Variants in XIRP2 observed in about 807,000 individuals in gnomAD.
The protein encoded by XIRP2 is xin actin-binding repeat-containing protein 2.
In XIRP2, 236 loss-of-function variants were observed where a neutral mutation model predicts 277.0. The observed-to-expected ratio is 0.85, with a 90% confidence interval of 0.77 to 0.95. The LOEUF (loss-of-function observed/expected upper bound fraction) is 0.95, where lower values mean the gene tolerates loss of function less well. Among genes scored for constraint, XIRP2 ranks in the 40% least tolerant of loss-of-function variants. XIRP2 has a pLI of 0.00. For synonymous variants in XIRP2, 1,490 were observed against 1,416.5 expected (o/e 1.05, Z -1.17); for missense variants, 4,640 against 4,157.5 (o/e 1.12, Z -3.19).
chr2:167,244,400 C>T lies in XIRP2; in HGVS notation c.3008C>T (p.Thr1003Ile). The change falls in exon 9 of 11, where the codon ACA becomes ATA. Residue 1003 changes from threonine (T) to isoleucine (I), a missense_variant. Coordinates refer to ENST00000409195, the MANE Select transcript of XIRP2 (RefSeq NM_152381.6). ...DPLGKYHQVK[T>I]VQQEEIVRGD... is the part of the protein sequence containing the mutation. The stretch of plus-strand genomic sequence containing the variant: ...CTTGGAAAATATCATCAAGTAAAGA[C>T]AGTCCAGCAAGAAGAAATCGTAAGA... 1.9e-6 allele frequency: 3 copies of T among 1,613,626 alleles called. No homozygotes were observed. Among genetic ancestry groups the T allele is most frequent in the Non-Finnish European group, 2.5e-6 (3 of 1,179,776 alleles).
At chr2:167,081,617 T>C (rs1387946969) in intron 2 of XIRP2, among the ~76,000 whole-genome samples, 1 of 152,204 alleles carries the variant, frequency 6.6e-6, no homozygotes, top group Non-Finnish European at 1.5e-5. Context: ...TCAAGTGCTA[T>C]TTGTTATTAT....
rs944867821 is a variant in XIRP2 at position 166,912,835 on chromosome 2, T to C, written c.408+8945T>C. 4.6e-5 allele frequency among the ~76,000 whole-genome samples: 7 copies of C among 151,700 alleles called. No homozygotes were observed. In the South Asian group the frequency reaches 1.0e-3, roughly 23 times the overall value. On this transcript the variant is annotated intron_variant, in intron 2 of 10. Transcript: ENST00000409195. ...GTTTTCCTTCTAACAGTCAGGACTCTCAGCTGCAGGTCTGTTGGAGTTTGC... is the reference window on the plus strand; with the variant it reads ...GTTTTCCTTCTAACAGTCAGGACTCCCAGCTGCAGGTCTGTTGGAGTTTGC...
chr2:167,032,702 C>G (rs539659960), intron 2 of XIRP2, among the ~76,000 whole-genome samples: 1 of 152,120 alleles, frequency 6.6e-6, no homozygotes, highest in Non-Finnish European at 1.5e-5. Context: ...AAAAGCTCAT[C>G]ATCACTGATA....
chr2:167,234,762 A>G lies in XIRP2; in HGVS notation c.859-5093A>G, dbSNP rs566419475. Among the ~76,000 whole-genome samples the G allele has an allele frequency of 1.6e-4, 24 of 151,886 alleles. No homozygotes were observed. In the South Asian group the frequency reaches 3.7e-3, roughly 24 times the overall value. On this transcript the variant is annotated intron_variant, in intron 5 of 10. Transcript: ENST00000409195. Reference sequence around the variant, plus strand: ...AGAATTAGGACTTGGAATTGCCTTAACTCTTCTTTTCCCTTAATGTTATTT... The same window carrying G: ...AGAATTAGGACTTGGAATTGCCTTAGCTCTTCTTTTCCCTTAATGTTATTT...
intron 1 of XIRP2, among the ~76,000 whole-genome samples, chr2:166,899,425 A>G (rs1232769216): frequency 2.6e-5 from 4 of 152,126 alleles, no homozygotes; most frequent in South Asian, 2.1e-4. Context: ...AATAGAATGT[A>G]TACTATTATT....
intron 5 of XIRP2, among the ~76,000 whole-genome samples, chr2:167,231,757 A>T (rs1043124423): frequency 3.9e-5 from 6 of 151,992 alleles, no homozygotes; most frequent in African/African-American, 1.4e-4. Flanking sequence ...GGTTAGTGAC[A>T]TGAGAAGCAG....
chr2:167,014,675 A>G (rs1330602049), intron 2 of XIRP2, among the ~76,000 whole-genome samples: 1 of 151,812 alleles, frequency 6.6e-6, no homozygotes. Context: ...AAGCTGTGAA[A>G]TGTTTTCAAA....
chr2:167,000,559 G>T (rs1394093159), intron 2 of XIRP2, among the ~76,000 whole-genome samples: 2 of 150,606 alleles, frequency 1.3e-5, no homozygotes, highest in Non-Finnish European at 3.0e-5. Context: ...AAGTGGTATG[G>T]ATTCTTCCAA....
At chr2:167,012,208 A>G (rs1365869246) in intron 2 of XIRP2, among the ~76,000 whole-genome samples, 2 of 151,694 alleles carry the variant, frequency 1.3e-5, no homozygotes, top group Middle Eastern at 3.2e-3. Flanking sequence ...AGTGCTATAA[A>G]TTTTCCTCTA....
At chr2:166,912,011 C>A (rs1684721465) in intron 2 of XIRP2, among the ~76,000 whole-genome samples, 1 of 152,158 alleles carries the variant, frequency 6.6e-6, no homozygotes, top group African/African-American at 2.4e-5. Flanking sequence ...TTGTGAGTAA[C>A]CCGACCTTTC....
In XIRP2 at chr2:167,211,947, T is replaced by G. The variant is rs1694057896; in HGVS notation, c.723+1052T>G. On this transcript the variant is annotated intron_variant, in intron 4 of 10. Transcript: ENST00000409195. ...AATTATAATCTCCAAATTAGCCTAG[T>G]TGTGTATGAGAGAGGGAGACAGAGA... Among the ~76,000 whole-genome samples, 3 of 152,244 alleles carry G rather than the reference T, an allele frequency of 2.0e-5. No homozygotes were observed. The South Asian group carries it at 6.2e-4, about 32-fold the overall frequency.
intron 2 of XIRP2, among the ~76,000 whole-genome samples, chr2:167,134,619 G>A (rs1044208296): frequency 6.6e-6 from 1 of 152,106 alleles, no homozygotes; most frequent in Non-Finnish European, 1.5e-5. Context: ...AAGGCCCTTA[G>A]TGGATGCCTA....
At chr2:166,984,883 C>T (rs1574137697) in intron 2 of XIRP2, among the ~76,000 whole-genome samples, 2 of 152,170 alleles carry the variant, frequency 1.3e-5, no homozygotes, top group South Asian at 4.1e-4. Context: ...GAGCTTTTGG[C>T]TTTATAAGAC....
At chr2:166,909,798 C>T (rs1684647107) in intron 2 of XIRP2, among the ~76,000 whole-genome samples, 2 of 152,074 alleles carry the variant, frequency 1.3e-5, no homozygotes, top group African/African-American at 2.4e-5. Flanking sequence ...CCCATCAATA[C>T]CTAGTTTATT....
rs1335512894 is a variant in XIRP2 at position 166,892,230 on chromosome 2, A to G, written c.-19+3673A>G. Reference sequence around the variant, plus strand: ...AGGCTTCATTCTGATTAACAAAAATATTTTAGAATTCTAGTTGGTATTGTA... The same window carrying G: ...AGGCTTCATTCTGATTAACAAAAATGTTTTAGAATTCTAGTTGGTATTGTA... On this transcript the variant is annotated intron_variant, in intron 1 of 10. Transcript: ENST00000409195. Among the ~76,000 whole-genome samples the G allele has an allele frequency of 2.0e-5, 3 of 152,152 alleles. No individual in the cohort carries two copies. The South Asian group carries it at 6.2e-4, about 31-fold the overall frequency.
chr2:166,995,739 G>T (rs1687205312), intron 2 of XIRP2, among the ~76,000 whole-genome samples: 1 of 152,112 alleles, frequency 6.6e-6, no homozygotes, highest in Non-Finnish European at 1.5e-5. Context: ...GAGCATTACT[G>T]ACCTTTTAAG....
intron 1 of XIRP2, among the ~76,000 whole-genome samples, chr2:166,894,063 G>A (rs1684178375): frequency 6.6e-6 from 1 of 152,026 alleles, no homozygotes; most frequent in Non-Finnish European, 1.5e-5. Context: ...ATGCTTGACA[G>A]GCAAAATTGT....
At chr2:167,052,654 T>A (rs1300451373) in intron 2 of XIRP2, among the ~76,000 whole-genome samples, 3 of 152,150 alleles carry the variant, frequency 2.0e-5, no homozygotes, top group African/African-American at 7.2e-5. Flanking sequence ...CCAGATAGAT[T>A]ATAATAAATT....
rs182033021 is a variant in XIRP2, at chr2:167,039,064, C to T, written c.409-96845C>T. Among the ~76,000 whole-genome samples the T allele has an allele frequency of 1.5e-3, 226 of 152,014 alleles. 3 individuals are homozygous for T. Among genetic ancestry groups the T allele is most frequent in the Admixed American group, 0.013 (195 of 15,274 alleles). ...ATTCTATTTACTGCTTTCCCAAGAACGATTTGGTGTATTATTTGATTTGAT... is the reference window on the plus strand; with the variant it reads ...ATTCTATTTACTGCTTTCCCAAGAATGATTTGGTGTATTATTTGATTTGAT... On this transcript the variant is annotated intron_variant, in intron 2 of 10. Transcript: ENST00000409195.
Sources: allele counts gnomAD v4.1 joint callset (sites outside exome capture counted in the v4.1 genomes callset), GRCh38; gene constraint gnomAD v4.1.1; transcripts MANE v1.5; gene names NCBI Gene and HGNC (gene_info 2026-07-23, HGNC 2026-07-21).